The following ZNF582 variants were observed in gnomAD, a reference collection of about 807,000 sequenced individuals.
ZNF582 encodes zinc finger protein 582.
In ZNF582, 14 loss-of-function variants were observed where a neutral mutation model predicts 12.3. That is an observed-to-expected ratio of 1.14 (90% CI 0.75 to 1.78). The LOEUF is 1.78. Ranked by LOEUF, ZNF582 falls within the 40% of genes most tolerant of loss-of-function variation. The pLI, the probability that ZNF582 is intolerant of heterozygous loss-of-function variation, is 0.00. For synonymous variants in ZNF582, 210 were observed against 207.2 expected, an observed-to-expected ratio of 1.01 and a Z score of -0.11; for missense variants, 567 against 616.5, an observed-to-expected ratio of 0.92 and a Z score of 0.85.
At position 56,391,841 on chromosome 19, in the gene ZNF582, G is replaced by A. The variant is rs11880832; in HGVS notation, c.-80-9C>T. ...GTCCTGCGACGGTAGAGCTGGGGGA[G>A]GAAAGAGCAAACATGAGAGGCTAGG... is the stretch of plus-strand genomic sequence containing the variant. On this transcript the variant is annotated splice_polypyrimidine_tract_variant and intron_variant, in intron 1 of 4. Coordinates refer to ENST00000586929, the Ensembl canonical transcript of ZNF582. 4.0e-4 allele frequency: 647 copies of A among 1,612,716 alleles called. 1 individual carries two copies. The African/African-American group carries it at 7.5e-3, about 19-fold the overall frequency.
At chr19:56,390,423 A>C in exon 3 of ZNF582, 1 of 1,614,144 alleles carries the variant, frequency 6.2e-7, no homozygotes, top group Non-Finnish European at 8.5e-7. Context: ...TCTCTGTACA[A>C]ATCCCTCTGA....
intron 2 of ZNF582, 83 bp downstream of exon 2, chr19:56,391,661 C>G (rs1285408331): frequency 6.0e-6 from 8 of 1,323,682 alleles, no homozygotes; most frequent in Non-Finnish European, 8.7e-6. Flanking sequence ...ATGGGAAAGT[C>G]TGAGAACCAA....
intron 4 of ZNF582, among the ~76,000 whole-genome samples, chr19:56,388,779 CG>C (rs1202752274): frequency 1.3e-5 from 2 of 152,104 alleles, no homozygotes; most frequent in Admixed American, 6.5e-5. Flanking sequence ...ATTATAGGCA[CG>C]TGCCACCACA....
intron 4 of ZNF582, among the ~76,000 whole-genome samples, chr19:56,388,058 G>A (rs950788636): frequency 6.6e-6 from 1 of 151,632 alleles, no homozygotes; most frequent in African/African-American, 2.4e-5. Flanking sequence ...GATGTCAATT[G>A]TGTGGACTTC....
Position 56,385,336 on chromosome 19 carries a change from A to G in ZNF582, c.233-152T>C, listed in dbSNP as rs1469136651. The G allele has an allele frequency of 1.5e-5, 12 of 780,524 alleles. No homozygotes were observed. In the East Asian group the frequency reaches 3.1e-4, roughly 20 times the overall value. 48.3% of individuals were successfully genotyped at this position (780,524 alleles called of 1,614,324 possible). On this transcript the variant is annotated intron_variant, in intron 4 of 4. Transcript: ENST00000586929. ...TGGACAAGTAGAACAGTGAAAGGAA[A>G]ATAACATACATGAGATGAGGGAGGC...
exon 5 of ZNF582, chr19:56,384,867 C>G: frequency 6.2e-7 from 1 of 1,610,708 alleles, no homozygotes; most frequent in Non-Finnish European, 8.5e-7. Context: ...ATAAGGAGTT[C>G]CTTTTGCCAG....
exon 5 of ZNF582, chr19:56,384,536 C>T: frequency 4.3e-6 from 7 of 1,613,504 alleles, no homozygotes; most frequent in Non-Finnish European, 5.9e-6. Context: ...ATGTGAGATC[C>T]GATTGAAGGC....
chr19:56,384,551 C>T, exon 5 of ZNF582: 1 of 1,614,060 alleles, frequency 6.2e-7, no homozygotes, highest in Admixed American at 1.7e-5. Flanking sequence ...GAAGGCCTTG[C>T]CACATTCCTT....
chr19:56,392,962 C>T (rs146859771), intron 1 of ZNF582, among the ~76,000 whole-genome samples: 3 of 152,268 alleles, frequency 2.0e-5, no homozygotes, highest in East Asian at 3.9e-4. Flanking sequence ...ATTAACTGCA[C>T]GATATCCTAT....
At chr19:56,388,951 T>C (rs1333993739) in intron 4 of ZNF582, among the ~76,000 whole-genome samples, 1 of 152,196 alleles carries the variant, frequency 6.6e-6, no homozygotes, top group African/African-American at 2.4e-5. Context: ...CTTTGCTCAC[T>C]GACCTCAGCC....
chr19:56,392,206 T>C (rs1453555830), intron 1 of ZNF582, among the ~76,000 whole-genome samples: 1 of 152,230 alleles, frequency 6.6e-6, no homozygotes, highest in African/African-American at 2.4e-5. Flanking sequence ...CAGCCTAGAA[T>C]AAAGCCTTTC....
At chr19:56,393,263 G>A (rs918122207) in exon 1 of ZNF582, 1 of 1,244,842 alleles carries the variant, frequency 8.0e-7, no homozygotes, top group African/African-American at 1.6e-5. Context: ...GAAGCAGAAA[G>A]GGGGCGCCAG....
At chr19:56,391,285 C>T (rs1218379688) in intron 2 of ZNF582, among the ~76,000 whole-genome samples, 1 of 152,184 alleles carries the variant, frequency 6.6e-6, no homozygotes, top group Non-Finnish European at 1.5e-5. Flanking sequence ...CTCTGTCCAA[C>T]GTCAAACTAG....
Position 56,385,467 on chromosome 19 carries a change from C to T in ZNF582, c.233-283G>A, listed in dbSNP as rs1368684273. 8.5e-5 allele frequency among the ~76,000 whole-genome samples: 13 copies of T among 152,184 alleles called. No homozygotes were observed. The East Asian group carries it at 2.5e-3, about 29-fold the overall frequency. On this transcript the variant is annotated intron_variant, in intron 4 of 4. Transcript: ENST00000586929. Reference sequence around the variant, plus strand: ...TTGGGAAGCCAAGAAGGGAGAATCACTTGAGGCCAGGAGTTTGAGACCAGC... The same window carrying T: ...TTGGGAAGCCAAGAAGGGAGAATCATTTGAGGCCAGGAGTTTGAGACCAGC...
At chr19:56,392,729 AT>A (rs2042024772) in intron 1 of ZNF582, among the ~76,000 whole-genome samples, 1 of 152,226 alleles carries the variant, frequency 6.6e-6, no homozygotes, top group Non-Finnish European at 1.5e-5. Flanking sequence ...AAACAAAAAA[AT>A]TGGAAGAAAA....
chr19:56,390,187 T>G, intron 3 of ZNF582, 91 bp from the exon 4 acceptor site: 1 of 1,380,078 alleles, frequency 7.2e-7, no homozygotes, highest in Non-Finnish European at 1.0e-6. Context: ...GAGAGGCAGT[T>G]GCAGGAAGTG....
intron 1 of ZNF582, 29 bp downstream of exon 1, chr19:56,393,191 C>A (rs1166686654): frequency 7.9e-7 from 1 of 1,264,456 alleles, no homozygotes; most frequent in South Asian, 1.3e-5. Flanking sequence ...TCCGCAATTT[C>A]AGGGGGTCGG....
At position 56,385,215 on chromosome 19, in the gene ZNF582, CTTCT is replaced by C. The variant is rs557028650; in HGVS notation, c.233-35_233-32del. ...AATGAAAAAAAGCGAATATGTTTGGCTTCTTTTTTTTTCCAGATAAAGGAACTAA... is the reference window on the plus strand; with the variant it reads ...AATGAAAAAAAGCGAATATGTTTGGCTTTTTTTTCCAGATAAAGGAACTAA... On this transcript the variant is annotated intron_variant, in intron 4 of 4. Coordinates refer to ENST00000586929, the Ensembl canonical transcript of ZNF582. 3.3e-4 allele frequency: 504 copies of C among 1,532,758 alleles called. 3 individuals carry two copies. The African/African-American group carries it at 3.9e-3, about 12-fold the overall frequency. The allele number at this position is 1,532,758 out of a possible 1,614,324, so 94.9% of individuals were successfully genotyped here.
At chr19:56,390,527 A>G in intron 2 of ZNF582, 26 bp from the exon 3 acceptor site, 1 of 1,613,298 alleles carries the variant, frequency 6.2e-7, no homozygotes, top group Non-Finnish European at 8.5e-7. Context: ...TGTATGATAT[A>G]TATGTATTTC....
Sources: gnomAD v4.1 joint callset for allele counts (sites outside exome capture counted in the v4.1 genomes callset) on GRCh38, gnomAD v4.1.1 for gene constraint, MANE v1.5 for transcripts, NCBI Gene and HGNC (gene_info 2026-07-23, HGNC 2026-07-21) for gene names.